Variants in RYR3 observed in about 807,000 individuals in gnomAD.
The protein encoded by RYR3 is ryanodine receptor 3.
A neutral mutation model predicts 584.3 loss-of-function variants in RYR3; 207 were observed. The ratio of observed to expected loss-of-function variants is 0.35; its 90% CI spans 0.32 to 0.40. The LOEUF (loss-of-function observed/expected upper bound fraction) is 0.40, where lower values mean the gene tolerates loss of function less well. RYR3 is among the 10% of genes least tolerant of loss of function. The probability of loss-of-function intolerance (pLI) is 1.00; values close to 1 mark genes in which losing one functional copy is unlikely to be tolerated. For synonymous variants in RYR3, 2,416 were observed against 2,248.5 expected, an observed-to-expected ratio of 1.07 and a Z score of -2.11; for missense variants, 5,616 against 6,089.2, an observed-to-expected ratio of 0.92 and a Z score of 2.59.
chr15:33,530,867 A>G (rs759120460), intron 4 of RYR3, among the ~76,000 whole-genome samples: 5 of 152,124 alleles, frequency 3.3e-5, no homozygotes, highest in African/African-American at 4.8e-5. Flanking sequence ...TGTTTCATCA[A>G]TGTCTGATAC....
intron 2 of RYR3, among the ~76,000 whole-genome samples, chr15:33,481,607 A>G (rs1413117640): frequency 1.3e-5 from 2 of 152,040 alleles, no homozygotes; most frequent in South Asian, 2.1e-4. Flanking sequence ...CAGTCTCCCA[A>G]GTAGCTGGGA....
intron 28 of RYR3, among the ~76,000 whole-genome samples, chr15:33,645,934 G>A (rs2062077404): frequency 6.6e-6 from 1 of 152,034 alleles, no homozygotes; most frequent in Non-Finnish European, 1.5e-5. Flanking sequence ...CTGAGCTTTG[G>A]GATTACTTTT....
chr15:33,842,695 G>T (rs753065110), intron 91 of RYR3, among the ~76,000 whole-genome samples: 3 of 152,182 alleles, frequency 2.0e-5, no homozygotes, highest in Admixed American at 6.5e-5. Context: ...AGAAGAAGAG[G>T]CTCCTGGAAC....
rs142387024 is a variant in RYR3, at chr15:33,339,142, A to G, written c.51+28046A>G. On this transcript the variant is annotated intron_variant, in intron 1 of 103. Transcript: ENST00000634891. The stretch of plus-strand genomic sequence containing the variant: ...AAAAGCGGACATTTTTCCAGTAGAC[A>G]TTAGGACTACTGCACACTCGGACCC... Among the ~76,000 whole-genome samples, 786 of 152,338 alleles carry G rather than the reference A, an allele frequency of 5.2e-3. 5 individuals carry two copies. The highest frequency in any genetic ancestry group is 0.018 in the African/African-American group (751 of 41,580).
chr15:33,448,730 G>A (rs1156322630), intron 1 of RYR3, among the ~76,000 whole-genome samples: 2 of 152,174 alleles, frequency 1.3e-5, no homozygotes, highest in Non-Finnish European at 2.9e-5. Context: ...CAATCAAAGA[G>A]TAAGAGAATT....
chr15:33,435,332 A>G (rs915677851), intron 1 of RYR3, among the ~76,000 whole-genome samples: 1 of 149,474 alleles, frequency 6.7e-6, no homozygotes, highest in African/African-American at 2.6e-5. Flanking sequence ...ACTTTTGTTA[A>G]TGTTGTGAGT....
At chr15:33,415,078 T>C (rs2043703079) in intron 1 of RYR3, among the ~76,000 whole-genome samples, 1 of 152,142 alleles carries the variant, frequency 6.6e-6, no homozygotes, top group South Asian at 2.1e-4. Flanking sequence ...CAGTCCAAAC[T>C]GAGATGTGTT....
chr15:33,572,174 T>A (rs1363148597), intron 12 of RYR3, among the ~76,000 whole-genome samples: 2 of 152,230 alleles, frequency 1.3e-5, no homozygotes, highest in Non-Finnish European at 2.9e-5. Context: ...TTTATGAAGT[T>A]GTTTTTTGAA....
Position 33,788,355 on chromosome 15 carries a change from G to A in RYR3, c.9727G>A (p.Asp3243Asn). ...EEQLKADGKG[D>N]TQEAELLILD... ...GCAGTTGAAAGCCGATGGCAAAGGG[G>A]ACACCCAGGAGGCAGAACTCCTCAT... is the stretch of plus-strand genomic sequence containing the variant. Residue 3243 changes from aspartate to asparagine, a missense_variant, in exon 67 of 104, where the codon GAC becomes AAC. Asp to Asn is a conservative substitution (Grantham distance 23). Transcript: ENST00000634891. The A allele has an allele frequency of 1.2e-6, 2 of 1,613,948 alleles. No individual in the cohort carries two copies. The highest frequency in any genetic ancestry group is 8.5e-7 in the Non-Finnish European group (1 of 1,179,880).
chr15:33,717,404 T>C (rs1464693610), intron 43 of RYR3, among the ~76,000 whole-genome samples: 5 of 152,220 alleles, frequency 3.3e-5, no homozygotes, highest in African/African-American at 4.8e-5. Flanking sequence ...ACTTTTCAGA[T>C]ACTCAGACTA....
intron 50 of RYR3, among the ~76,000 whole-genome samples, chr15:33,739,507 T>C (rs2069852300): frequency 6.9e-6 from 1 of 144,988 alleles, no homozygotes. Flanking sequence ...CAGACAAGTT[T>C]ATAGTCACCT....
intron 12 of RYR3, among the ~76,000 whole-genome samples, 193 bp from the exon 13 acceptor site, chr15:33,579,783 C>G (rs2058498287): frequency 1.3e-5 from 2 of 152,108 alleles, no homozygotes; most frequent in African/African-American, 4.8e-5. Context: ...TAGCTTTAAA[C>G]TTGAATGTGA....
chr15:33,448,150 G>A (rs1474307535), intron 1 of RYR3, among the ~76,000 whole-genome samples: 1 of 152,210 alleles, frequency 6.6e-6, no homozygotes, highest in East Asian at 1.9e-4. Flanking sequence ...CTTGGTTCCA[G>A]TGACTTGAGG....
At position 33,818,614 on chromosome 15, in the gene RYR3, A is replaced by G. The variant is rs1341149126; in HGVS notation, c.10636A>G (p.Thr3546Ala). 2.5e-6 allele frequency: 4 copies of G among 1,613,930 alleles called. No homozygotes were observed. Among genetic ancestry groups the G allele is most frequent in the Non-Finnish European group, 3.4e-6 (4 of 1,179,846 alleles). The change falls in exon 76 of 104, where the codon ACA becomes GCA. Residue 3546 changes from threonine (T) to alanine (A), a missense_variant. Physicochemically the swap from Thr to Ala is moderately conservative, Grantham distance 58. Transcript: ENST00000634891. ...GGTGGAAGAGGAGGAGGAGGAAGAG[A>G]CAGAAAAACAACCTGACCCACTACA... ...PKVEEEEEEE[T>A]EKQPDPLHQI... is the part of the protein sequence containing the mutation.
chr15:33,634,814 C>G lies in RYR3; in HGVS notation c.3175+81C>G, dbSNP rs1489473167. On this transcript the variant is annotated intron_variant, in intron 25 of 103. Transcript: ENST00000634891. ...TGGGGCATCCTAACTTCAAATAGGT[C>G]TAACTTGTACTATTGGAAATAGTAT... The G allele has an allele frequency of 3.5e-6, 4 of 1,142,922 alleles. No homozygotes were observed. The African/African-American group carries it at 6.1e-5, about 18-fold the overall frequency. The allele number at this position is 1,142,922 out of a possible 1,614,324, so 70.8% of individuals were successfully genotyped here. A position where few individuals can be genotyped will look rare whatever the true frequency, so the allele number is the denominator to read the frequency against.
Position 33,766,942 on chromosome 15 carries a change from A to G in RYR3, c.8706-1716A>G, listed in dbSNP as rs563872032. Among the ~76,000 whole-genome samples, 4 of 152,356 alleles carry G rather than the reference A, an allele frequency of 2.6e-5. No homozygotes were observed. The South Asian group carries it at 6.2e-4, about 24-fold the overall frequency. ...AGTTAAATCCCAGGTTCCATAGGGA[A>G]CAAGCAGTAGCCTTTGGAAATTTCA... On this transcript the variant is annotated intron_variant, in intron 60 of 103. Transcript: ENST00000634891.
intron 1 of RYR3, among the ~76,000 whole-genome samples, chr15:33,465,953 A>T (rs1204004766): frequency 6.6e-6 from 1 of 152,150 alleles, no homozygotes; most frequent in Admixed American, 6.5e-5. Flanking sequence ...AGAGTTGCCA[A>T]TGTTCTGAAA....
At chr15:33,325,768 TC>T (rs2140589184) in intron 1 of RYR3, among the ~76,000 whole-genome samples, 2 of 135,014 alleles carry the variant, frequency 1.5e-5, no homozygotes, top group African/African-American at 5.4e-5. Context: ...CTTCCTTCCT[TC>T]CTTCCTTCTT....
intron 25 of RYR3, among the ~76,000 whole-genome samples, 168 bp downstream of exon 25, chr15:33,634,901 G>C (rs551286437): frequency 2.4e-4 from 37 of 152,288 alleles, no homozygotes; most frequent in African/African-American, 8.9e-4. Flanking sequence ...GGGAGACCAT[G>C]TTTGATATAA....
Sources: gnomAD v4.1 joint callset for allele counts (sites outside exome capture counted in the v4.1 genomes callset) on GRCh38, gnomAD v4.1.1 for gene constraint, MANE v1.5 for transcripts, NCBI Gene and HGNC (gene_info 2026-07-23, HGNC 2026-07-21) for gene names.